The following MRPS27 variants were observed in gnomAD, a reference collection of about 807,000 sequenced individuals.
The protein encoded by MRPS27 is small ribosomal subunit protein mS27.
MRPS27 carries 43 observed loss-of-function variants against 48.9 expected under a neutral mutation model. The ratio of observed to expected loss-of-function variants is 0.88; its 90% CI spans 0.69 to 1.13. MRPS27 has a LOEUF of 1.13. Among genes scored for constraint, MRPS27 ranks in the 50% most tolerant of loss-of-function variants. The pLI, the probability that MRPS27 is intolerant of heterozygous loss-of-function variation, is 0.00. For missense variants in MRPS27, 467 were observed against 476.3 expected (o/e 0.98, Z 0.18); for synonymous variants, 188 against 171.9 (o/e 1.09, Z -0.73).
At chr5:72,243,761 C>T (rs1002791093) in intron 4 of MRPS27, among the ~76,000 whole-genome samples, 5 of 152,146 alleles carry the variant, frequency 3.3e-5, no homozygotes, top group Admixed American at 2.6e-4. Flanking sequence ...ATAAAAATGT[C>T]TTTCTTTAAA....
chr5:72,254,390 TA>T (rs1245132729), intron 4 of MRPS27, among the ~76,000 whole-genome samples: 1 of 152,012 alleles, frequency 6.6e-6, no homozygotes, highest in African/African-American at 2.4e-5. Context: ...TATTAATATG[TA>T]TAGAAGGGAT....
intron 7 of MRPS27, chr5:72,229,030 C>T (rs1747978064): frequency 6.6e-6 from 1 of 152,222 alleles, no homozygotes; most frequent in African/African-American, 2.4e-5. Context: ...GCTACACCTG[C>T]TGCAGACTAG....
At chr5:72,267,184 C>T (rs1346582186) in intron 4 of MRPS27, among the ~76,000 whole-genome samples, 3 of 152,180 alleles carry the variant, frequency 2.0e-5, no homozygotes, top group East Asian at 1.9e-4. Flanking sequence ...CATAACTATA[C>T]GGAGTCTTCC....
rs116044891 is a variant in MRPS27 at position 72,279,362 on chromosome 5, C to A, written c.281+16169G>T. On this transcript the variant is annotated intron_variant, in intron 4 of 10. Coordinates refer to ENST00000261413, the MANE Select transcript of MRPS27 (RefSeq NM_015084.3). ...CTATGGATATAATCTAGATACTAATCTTTGTTAGCTACATGCATTGCAAAT... is the reference window on the plus strand; with the variant it reads ...CTATGGATATAATCTAGATACTAATATTTGTTAGCTACATGCATTGCAAAT... Among the ~76,000 whole-genome samples the A allele has an allele frequency of 6.5e-3, 996 of 152,260 alleles. 10 individuals are homozygous for A. Among genetic ancestry groups the A allele is most frequent in the African/African-American group, 0.023 (953 of 41,534 alleles).
intron 2 of MRPS27, among the ~76,000 whole-genome samples, chr5:72,298,712 C>CAAAA (rs1259668404): frequency 4.3e-4 from 13 of 30,548 alleles, no homozygotes; most frequent in East Asian, 1.1e-3. Context: ...GACTCCGTCT[C>CAAAA]AAAAAAAAAA....
intron 2 of MRPS27, among the ~76,000 whole-genome samples, chr5:72,301,909 G>A (rs532101801): frequency 6.6e-6 from 1 of 152,318 alleles, no homozygotes; most frequent in Admixed American, 6.5e-5. Context: ...TCTGGACTGT[G>A]GGCTTCCACA....
chr5:72,237,903 A>T, intron 5 of MRPS27, 111 bp downstream of exon 5: 1 of 712,574 alleles, frequency 1.4e-6, no homozygotes. Context: ...TTGAGGCCAA[A>T]TAATTTTTTA....
chr5:72,282,459 G>A (rs1264435013), intron 4 of MRPS27, among the ~76,000 whole-genome samples: 2 of 151,972 alleles, frequency 1.3e-5, no homozygotes, highest in Non-Finnish European at 2.9e-5. Flanking sequence ...TCATTGCCCT[G>A]TAGCTATAAT....
chr5:72,228,411 G>A, intron 7 of MRPS27, 43 bp from the exon 8 acceptor site: 1 of 1,344,574 alleles, frequency 7.4e-7, no homozygotes. Context: ...TAAGCAATGA[G>A]TACTTTATAC....
At position 72,219,794 on chromosome 5, in the gene MRPS27, C is replaced by T. The variant is rs1747691230; in HGVS notation, c.*1115G>A. On this transcript the variant is annotated 3_prime_UTR_variant, in exon 11 of 11. Coordinates refer to ENST00000261413, the MANE Select transcript of MRPS27 (RefSeq NM_015084.3). ...TGTTCACAAGTTGTGTGTGCATGCA[C>T]ATGTGCCTCTGTGTGTACACAAAAG... The T allele has an allele frequency of 6.6e-6, 1 of 152,142 alleles. No individual in the cohort carries two copies. Among genetic ancestry groups the T allele is most frequent in the African/African-American group, 2.4e-5 (1 of 41,390 alleles). The allele number at this position is 152,142 out of a possible 1,614,324, so 9.4% of individuals were successfully genotyped here.
intron 4 of MRPS27, among the ~76,000 whole-genome samples, chr5:72,282,024 G>A (rs564160715): frequency 2.6e-5 from 4 of 152,240 alleles, no homozygotes; most frequent in Admixed American, 1.3e-4. Flanking sequence ...GATACTATTT[G>A]TCTTAAAATC....
At chr5:72,258,408 A>G (rs755157586) in intron 4 of MRPS27, among the ~76,000 whole-genome samples, 1 of 152,182 alleles carries the variant, frequency 6.6e-6, no homozygotes, top group Non-Finnish European at 1.5e-5. Flanking sequence ...TGTTTTCATG[A>G]TTTCAATGAC....
chr5:72,237,643 G>A (rs1580059827), intron 5 of MRPS27, among the ~76,000 whole-genome samples: 1 of 152,046 alleles, frequency 6.6e-6, no homozygotes, highest in East Asian at 1.9e-4. Flanking sequence ...TTGATGGGAG[G>A]AGTCAGGGAA....
At chr5:72,273,262 G>A (rs996928165) in intron 4 of MRPS27, among the ~76,000 whole-genome samples, 2 of 152,094 alleles carry the variant, frequency 1.3e-5, no homozygotes, top group African/African-American at 4.8e-5. Context: ...CCACTGGTCC[G>A]GGATTTTTCG....
chr5:72,316,513 G>A (rs1285385909), intron 1 of MRPS27, among the ~76,000 whole-genome samples: 11 of 151,982 alleles, frequency 7.2e-5, no homozygotes, highest in South Asian at 2.1e-4. Context: ...GATTACAGGC[G>A]CCTGCCACCA....
intron 2 of MRPS27, 43 bp from the exon 3 acceptor site, chr5:72,297,745 TA>T (rs1750018604): frequency 3.7e-6 from 5 of 1,343,622 alleles, no homozygotes; most frequent in East Asian, 2.5e-5. Context: ...TAAAGATACA[TA>T]TTTTTTTACA....
chr5:72,273,511 A>G (rs1191520979), intron 4 of MRPS27, among the ~76,000 whole-genome samples: 2 of 152,214 alleles, frequency 1.3e-5, no homozygotes, highest in Non-Finnish European at 1.5e-5. Context: ...CCTACTATAC[A>G]TCTAGGCCAT....
rs142046821 is a variant in MRPS27, at chr5:72,274,169, T to C, written c.281+21362A>G. Among the ~76,000 whole-genome samples the C allele has an allele frequency of 2.5e-3, 374 of 152,190 alleles. 1 individual carries two copies. The highest frequency in any genetic ancestry group is 8.7e-3 in the African/African-American group (360 of 41,532). The stretch of plus-strand genomic sequence containing the variant: ...AGGAGTTCGAGACCAGTCTGGTCAA[T>C]ACGGTGAAACCCCGTCTCTACTAAA... On this transcript the variant is annotated intron_variant, in intron 4 of 10. Transcript: ENST00000261413.
At chr5:72,291,282 C>CA (rs1250143929) in intron 4 of MRPS27, among the ~76,000 whole-genome samples, 2 of 152,082 alleles carry the variant, frequency 1.3e-5, no homozygotes, top group African/African-American at 4.8e-5. Context: ...TAAGTCTAAG[C>CA]AAAAGAACCT....
Sources: allele counts gnomAD v4.1 joint callset (sites outside exome capture counted in the v4.1 genomes callset), GRCh38; gene constraint gnomAD v4.1.1; transcripts MANE v1.5; gene names NCBI Gene and HGNC (gene_info 2026-07-23, HGNC 2026-07-21).